The following PCDHA11 variants were observed in gnomAD, a reference collection of about 807,000 sequenced individuals.
PCDHA11 encodes protocadherin alpha-11.
A neutral mutation model predicts 70.3 loss-of-function variants in PCDHA11; 61 were observed. The ratio of observed to expected loss-of-function variants is 0.87; its 90% confidence interval spans 0.71 to 1.07. PCDHA11 has a LOEUF of 1.07. Among genes scored for constraint, PCDHA11 ranks in the 50% least tolerant of loss-of-function variants. The pLI is 0.00. For missense variants in PCDHA11, 1,324 were observed against 1,237.5 expected, an observed-to-expected ratio of 1.07 and a Z score of -1.05; for synonymous variants, 633 against 555.1, an observed-to-expected ratio of 1.14 and a Z score of -1.97.
intron 3 of PCDHA11, among the ~76,000 whole-genome samples, chr5:140,990,741 G>A (rs528078912): frequency 4.3e-4 from 65 of 152,270 alleles, no homozygotes; most frequent in African/African-American, 1.2e-3. Context: ...ACAGCCCTAG[G>A]GTGGATACCT....
At chr5:140,993,793 T>C (rs2097582526) in intron 3 of PCDHA11, among the ~76,000 whole-genome samples, 1 of 152,184 alleles carries the variant, frequency 6.6e-6, no homozygotes, top group African/African-American at 2.4e-5. Context: ...TAACATGCTG[T>C]GCAGGTTTGT....
At chr5:140,978,739 T>C (rs2096820890) in intron 1 of PCDHA11, among the ~76,000 whole-genome samples, 1 of 152,252 alleles carries the variant, frequency 6.6e-6, no homozygotes, top group Non-Finnish European at 1.5e-5. Context: ...TCTTCCAGGG[T>C]ATCTAATCTG....
chr5:140,947,882 T>C (rs1554218353), intron 1 of PCDHA11, among the ~76,000 whole-genome samples: 1 of 151,580 alleles, frequency 6.6e-6, no homozygotes, highest in Non-Finnish European at 1.5e-5. Context: ...TCCAGGACAA[T>C]ATAAACAGAA....
chr5:140,922,093 C>T (rs1037802949), intron 1 of PCDHA11, among the ~76,000 whole-genome samples: 6 of 151,986 alleles, frequency 3.9e-5, no homozygotes, highest in Middle Eastern at 3.4e-3. Flanking sequence ...GTATTTCTAC[C>T]AACTATAGAT....
intron 3 of PCDHA11, among the ~76,000 whole-genome samples, chr5:141,007,925 G>T (rs2098351885): frequency 1.3e-5 from 2 of 152,138 alleles, no homozygotes; most frequent in South Asian, 4.2e-4. Context: ...ATATAAGCTG[G>T]AATTCTAAGC....
intron 1 of PCDHA11, among the ~76,000 whole-genome samples, chr5:140,891,204 C>T (rs2153433269): frequency 6.6e-6 from 1 of 152,078 alleles, no homozygotes; most frequent in South Asian, 2.1e-4. Flanking sequence ...GCAGTTTTAC[C>T]ATGCTGTGTC....
chr5:140,990,555 G>C (rs1176257375), intron 3 of PCDHA11, among the ~76,000 whole-genome samples: 1 of 152,130 alleles, frequency 6.6e-6, no homozygotes, highest in African/African-American at 2.4e-5. Context: ...TATTACCCAA[G>C]AACACACACC....
chr5:140,946,335 G>A lies in PCDHA11; in HGVS notation c.2392-32614G>A, dbSNP rs555314202. ...ATTATTGAAAGAGGAAAGATAACAA[G>A]TGATGGAGAGGATGTGGAGAAAAGG... On this transcript the variant is annotated intron_variant, in intron 1 of 3. Transcript: ENST00000398640. Among the ~76,000 whole-genome samples, 250 of 151,944 alleles carry A rather than the reference G, an allele frequency of 1.6e-3. 2 individuals are homozygous for A. The highest frequency in any genetic ancestry group is 2.8e-3 in the Non-Finnish European group (188 of 67,814).
chr5:140,951,546 G>A (rs962043182), intron 1 of PCDHA11, among the ~76,000 whole-genome samples: 9 of 151,942 alleles, frequency 5.9e-5, no homozygotes, highest in Non-Finnish European at 8.8e-5. Context: ...CAAGGGACGG[G>A]GGGAAGTGCT....
At chr5:140,967,909 C>A in intron 1 of PCDHA11, 1 of 1,614,206 alleles carries the variant, frequency 6.2e-7, no homozygotes, top group Non-Finnish European at 8.5e-7. Flanking sequence ...CTACACCCAA[C>A]ACCATTGTGG....
chr5:140,882,748 A>G (rs1562779294), intron 1 of PCDHA11: 1 of 1,614,258 alleles, frequency 6.2e-7, no homozygotes, highest in Non-Finnish European at 8.5e-7. Flanking sequence ...CATCCGATGC[A>G]GATATTGGAG....
At chr5:140,953,035 C>A (rs2094836412) in intron 1 of PCDHA11, among the ~76,000 whole-genome samples, 1 of 152,116 alleles carries the variant, frequency 6.6e-6, no homozygotes, top group Admixed American at 6.5e-5. Flanking sequence ...GGAAATCCAC[C>A]CCCATGATCC....
chr5:140,968,114 A>G, intron 1 of PCDHA11: 1 of 1,614,164 alleles, frequency 6.2e-7, no homozygotes, highest in Non-Finnish European at 8.5e-7. Context: ...ACCGCAGCTC[A>G]CATCCCTGCG....
intron 1 of PCDHA11, among the ~76,000 whole-genome samples, chr5:140,933,313 C>T (rs977318847): frequency 3.9e-5 from 6 of 151,916 alleles, no homozygotes; most frequent in African/African-American, 1.4e-4. Context: ...TATGCAATCT[C>T]GTATTCTCCT....
chr5:140,897,349 A>G (rs539353387), intron 1 of PCDHA11, among the ~76,000 whole-genome samples: 33 of 107,320 alleles, frequency 3.1e-4, no homozygotes, highest in African/African-American at 1.0e-3. Flanking sequence ...CCACCCCACA[A>G]CTGTCCCCAG....
At chr5:140,915,107 C>T (rs1461317939) in intron 1 of PCDHA11, among the ~76,000 whole-genome samples, 1 of 151,880 alleles carries the variant, frequency 6.6e-6, no homozygotes, top group African/African-American at 2.4e-5. Flanking sequence ...CACCACAACA[C>T]CCACCTAATT....
chr5:140,897,304 G>A (rs1297881439), intron 1 of PCDHA11, among the ~76,000 whole-genome samples: 1 of 150,768 alleles, frequency 6.6e-6, no homozygotes, highest in Non-Finnish European at 1.5e-5. Flanking sequence ...TTTAGCATTA[G>A]GTATATCTCC....
At chr5:140,941,198 TCTTC>T (rs202127003) in intron 1 of PCDHA11, among the ~76,000 whole-genome samples, 9,614 of 119,776 alleles carry the variant, frequency 0.08, 511 homozygotes, top group Non-Finnish European at 0.089. Context: ...TTTTTTTCTT[TCTTC>T]CTTTCTTTCT....
At chr5:140,968,133 A>C in intron 1 of PCDHA11, 6 of 1,614,140 alleles carry the variant, frequency 3.7e-6, no homozygotes, top group Non-Finnish European at 5.1e-6. Context: ...CGTACACTGA[A>C]GGTTGAGATC....
Sources: allele counts gnomAD v4.1 joint callset (sites outside exome capture counted in the v4.1 genomes callset), GRCh38; gene constraint gnomAD v4.1.1; transcripts MANE v1.5; gene names NCBI Gene and HGNC (gene_info 2026-07-23, HGNC 2026-07-21).